The following UTRN variants were observed in gnomAD, a reference collection of about 807,000 sequenced individuals.
UTRN encodes utrophin.
Under a neutral mutation model 463.9 loss-of-function variants are expected in UTRN, and 283 were observed. The ratio of observed to expected loss-of-function variants is 0.61; its 90% CI spans 0.55 to 0.67. The LOEUF (loss-of-function observed/expected upper bound fraction) is 0.67, where lower values mean the gene tolerates loss of function less well. Among genes scored for constraint, UTRN ranks in the 30% least tolerant of loss-of-function variants. UTRN has a pLI of 0.00. For synonymous variants in UTRN, 1,442 were observed against 1,431.5 expected (o/e 1.01, Z -0.17); for missense variants, 3,922 against 4,084.3 (o/e 0.96, Z 1.08).
intron 51 of UTRN, among the ~76,000 whole-genome samples, chr6:144,671,136 A>G (rs1780977085): frequency 8.0e-6 from 1 of 124,262 alleles, no homozygotes; most frequent in Admixed American, 8.4e-5. Context: ...TTGCTTCCAT[A>G]TGAATTTTAG....
chr6:144,748,775 A>G (rs1455037335), intron 55 of UTRN, among the ~76,000 whole-genome samples: 1 of 152,222 alleles, frequency 6.6e-6, no homozygotes, highest in East Asian at 1.9e-4. Context: ...CCAACTGTGC[A>G]TCTCTAGACA....
chr6:144,592,486 T>C (rs1361189976), intron 51 of UTRN, among the ~76,000 whole-genome samples: 2 of 152,166 alleles, frequency 1.3e-5, no homozygotes, highest in African/African-American at 4.8e-5. Flanking sequence ...TTCTCCTGCC[T>C]CAGTCTCCCA....
intron 2 of UTRN, among the ~76,000 whole-genome samples, chr6:144,358,857 G>A (rs1336970053): frequency 6.6e-6 from 1 of 152,112 alleles, no homozygotes; most frequent in African/African-American, 2.4e-5. Context: ...TAATACAACA[G>A]TAACTTTCAT....
chr6:144,398,937 A>G (rs998174945), intron 2 of UTRN, among the ~76,000 whole-genome samples: 1 of 152,204 alleles, frequency 6.6e-6, no homozygotes, highest in Non-Finnish European at 1.5e-5. Context: ...TTTTAGCTTT[A>G]ATAACGTCAA....
chr6:144,809,078 C>T (rs1778387807), intron 65 of UTRN, among the ~76,000 whole-genome samples: 1 of 151,948 alleles, frequency 6.6e-6, no homozygotes, highest in African/African-American at 2.4e-5. Context: ...TTTAAAGAAC[C>T]TTTAGATTGT....
intron 51 of UTRN, among the ~76,000 whole-genome samples, chr6:144,601,576 A>G (rs573917294): frequency 6.6e-6 from 1 of 152,298 alleles, no homozygotes; most frequent in African/African-American, 2.4e-5. Flanking sequence ...AGTTGCCTCT[A>G]ATGGATGAGC....
intron 51 of UTRN, among the ~76,000 whole-genome samples, chr6:144,655,945 T>G (rs1296250256): frequency 6.6e-6 from 1 of 152,250 alleles, no homozygotes; most frequent in Non-Finnish European, 1.5e-5. Context: ...TCTCTTCATT[T>G]TGGCATTGGA....
chr6:144,514,842 G>A (rs755435192), intron 37 of UTRN, 22 bp downstream of exon 37: 5 of 1,604,706 alleles, frequency 3.1e-6, no homozygotes, highest in African/African-American at 2.7e-5. Context: ...TGCTTTTAGA[G>A]TAAACCATTT....
In UTRN at chr6:144,352,690, C is replaced by T. The variant is rs184189772; in HGVS notation, c.80-50433C>T. ...TTGCTGAATTTGTTACTAGGCCTTA[C>T]GCTGCAACATTTCTGAGTAATCAAA... On this transcript the variant is annotated intron_variant, in intron 2 of 74. Coordinates refer to ENST00000367545, the MANE Select transcript of UTRN (RefSeq NM_007124.3). 2.6e-4 allele frequency among the ~76,000 whole-genome samples: 39 copies of T among 152,202 alleles called. 1 individual carries two copies. The highest frequency in any genetic ancestry group is 3.4e-3 in the Middle Eastern group (1 of 294).
intron 33 of UTRN, among the ~76,000 whole-genome samples, chr6:144,493,845 T>A (rs1793304829): frequency 6.6e-6 from 1 of 151,522 alleles, no homozygotes; most frequent in Non-Finnish European, 1.5e-5. Context: ...CAAAACAAAT[T>A]TCCAAAAAAA....
At chr6:144,439,067 C>CT (rs1457005994) in intron 12 of UTRN, among the ~76,000 whole-genome samples, 172 bp downstream of exon 12, 1 of 152,082 alleles carries the variant, frequency 6.6e-6, no homozygotes, top group Non-Finnish European at 1.5e-5. Flanking sequence ...TTTTCTGAGC[C>CT]AGGGATAAAA....
chr6:144,544,360 A>C (rs1000537673), intron 46 of UTRN, among the ~76,000 whole-genome samples: 2 of 152,108 alleles, frequency 1.3e-5, no homozygotes, highest in Admixed American at 1.3e-4. Flanking sequence ...TCTAGTTCCA[A>C]AATATTTCTA....
chr6:144,827,762 T>C lies in UTRN; in HGVS notation c.9599+86T>C, dbSNP rs188412050. On this transcript the variant is annotated intron_variant, in intron 68 of 74. Coordinates refer to ENST00000367545, the MANE Select transcript of UTRN (RefSeq NM_007124.3). ...TTAATCTAATATCATTAATATACCT[T>C]GATTTAAGAAATGCAGTTTTGCAGG... is the stretch of plus-strand genomic sequence containing the variant. 5,409 of 1,445,036 alleles carry C rather than the reference T, an allele frequency of 3.7e-3. 27 individuals carry two copies. The highest frequency in any genetic ancestry group is 3.7e-3 in the Non-Finnish European group (3,875 of 1,057,684). 89.5% of individuals were successfully genotyped at this position (1,445,036 alleles called of 1,614,324 possible).
chr6:144,448,634 A>G lies in UTRN; in HGVS notation c.1937A>G (p.Gln646Arg). The G allele has an allele frequency of 6.2e-7, 1 of 1,614,018 alleles. No homozygotes were observed. Among genetic ancestry groups the G allele is most frequent in the Non-Finnish European group, 8.5e-7 (1 of 1,179,908 alleles). Residue 646 changes from glutamine (Q) to arginine (R), a missense_variant, in exon 17 of 75, where the codon CAG becomes CGG. Transcript: ENST00000367545. Reference protein sequence around the residue: ...TQAVAKLGMSQIPQKDLLETV... With the variant: ...TQAVAKLGMSRIPQKDLLETV... ...GCTGTAGCAAAGCTGGGGATGTCTC[A>G]GATTCCTCAGAAGGACCTTTTGGAG...
In UTRN at chr6:144,495,879, T is replaced by A. The variant is rs536089554; in HGVS notation, c.4593+2423T>A. On this transcript the variant is annotated intron_variant, in intron 33 of 74. Coordinates refer to ENST00000367545, the MANE Select transcript of UTRN (RefSeq NM_007124.3). ...TTAGTCCTAATGTTTTCCCATTTCA[T>A]GTAGGAAAAATGGGAAATAATAATC... 1.5e-3 allele frequency among the ~76,000 whole-genome samples: 227 copies of A among 152,290 alleles called. 2 individuals are homozygous for A. The highest frequency in any genetic ancestry group is 5.2e-3 in the African/African-American group (215 of 41,568).
chr6:144,516,253 T>C lies in UTRN; in HGVS notation c.5269T>C (p.Tyr1757His). 1 of 1,613,682 alleles carries C rather than the reference T, an allele frequency of 6.2e-7. No homozygotes were observed. Among genetic ancestry groups the C allele is most frequent in the Non-Finnish European group, 8.5e-7 (1 of 1,179,908 alleles). The change falls in exon 38 of 75, where the codon TAC (tyrosine) becomes CAC (histidine). Residue 1757 changes from tyrosine to histidine, a missense_variant. Tyr to His is a moderately conservative substitution (Grantham distance 83). This residue lies in a region of UTRN where 2,349 missense variants were observed against 2,303.8 expected (regional missense o/e 1.02). Coordinates refer to ENST00000367545, the MANE Select transcript of UTRN (RefSeq NM_007124.3). ...GTTGCTAATTGCTCAGGAACCATTA[T>C]ACCAATGTTTGGTCACCACTGAAAC... is the stretch of plus-strand genomic sequence containing the variant. ...AKLLIAQEPL[Y>H]QCLVTTETFE...
chr6:144,473,506 T>C (rs1790877647), intron 23 of UTRN, among the ~76,000 whole-genome samples: 1 of 152,206 alleles, frequency 6.6e-6, no homozygotes, highest in African/African-American at 2.4e-5. Flanking sequence ...ATTTTTAGAG[T>C]GGTTACTAAC....
chr6:144,744,616 CACACACACACACAT>C (rs58534347), intron 54 of UTRN, among the ~76,000 whole-genome samples: 32,865 of 130,742 alleles, frequency 0.25, 4,607 homozygotes, highest in East Asian at 0.47. Context: ...CACACACACA[CACACACACACACAT>C]ACACACACAC....
intron 2 of UTRN, among the ~76,000 whole-genome samples, chr6:144,346,177 CAA>C (rs5880590): frequency 3.9e-5 from 5 of 128,560 alleles, no homozygotes; most frequent in South Asian, 2.4e-4. Flanking sequence ...AACTCTGTCT[CAA>C]AAAAAAAAAA....
Sources: allele counts gnomAD v4.1 joint callset (sites outside exome capture counted in the v4.1 genomes callset), GRCh38; gene constraint gnomAD v4.1.1; regional missense constraint gnomAD v4.1.1; transcripts MANE v1.5; gene names NCBI Gene and HGNC (gene_info 2026-07-23, HGNC 2026-07-21).